Variants in IL1RAPL1 observed in about 807,000 individuals in gnomAD.
The protein encoded by IL1RAPL1 is interleukin-1 receptor accessory protein-like 1.
IL1RAPL1 carries 3 observed loss-of-function variants against 48.4 expected under a neutral mutation model. The observed-to-expected ratio is 0.06, with a 90% CI of 0.03 to 0.16. The LOEUF (loss-of-function observed/expected upper bound fraction) is 0.16. Ranked by LOEUF, IL1RAPL1 falls within the 10% of genes least tolerant of loss-of-function variation. The pLI, the probability that IL1RAPL1 is intolerant of heterozygous loss-of-function variation, is 1.00. For missense variants in IL1RAPL1, 349 were observed against 530.6 expected, an observed-to-expected ratio of 0.66 and a Z score of 3.36; for synonymous variants, 185 against 187.7, an observed-to-expected ratio of 0.99 and a Z score of 0.12.
At chrX:29,363,561 A>G (rs1349033951) in intron 3 of IL1RAPL1, among the ~76,000 whole-genome samples, 3 of 111,776 alleles carry the variant, frequency 2.7e-5, no homozygotes, top group Non-Finnish European at 3.8e-5. Flanking sequence ...TCACATCGCT[A>G]TAAGGAAATG....
intron 6 of IL1RAPL1, among the ~76,000 whole-genome samples, chrX:29,709,513 TTTTTGTTTTG>T (rs199507340): frequency 9.0e-6 from 1 of 111,138 alleles, no homozygotes; most frequent in Non-Finnish European, 1.9e-5. Flanking sequence ...TGTGTCTCTT[TTTTTGTTTTG>T]TTTTGTTTTG....
intron 6 of IL1RAPL1, among the ~76,000 whole-genome samples, chrX:29,908,248 A>AGAT (rs890467910): frequency 6.6e-4 from 73 of 109,964 alleles, no homozygotes; most frequent in African/African-American, 2.2e-3. Context: ...CATATTAGGC[A>AGAT]GATAGTGTTT....
At chrX:29,063,164 T>C (rs760097960) in intron 2 of IL1RAPL1, among the ~76,000 whole-genome samples, 3 of 111,767 alleles carry the variant, frequency 2.7e-5, no homozygotes, top group Non-Finnish European at 5.6e-5. Context: ...TTTCTCCAAA[T>C]AAAACTACCA....
chrX:28,627,866 T>C, intron 1 of IL1RAPL1, among the ~76,000 whole-genome samples: 1 of 111,688 alleles, frequency 9.0e-6, no homozygotes, highest in Non-Finnish European at 1.9e-5. Flanking sequence ...TTCTTTCTTT[T>C]TTTTTTTGAC....
At chrX:28,698,035 A>G (rs1196891436) in intron 1 of IL1RAPL1, among the ~76,000 whole-genome samples, 2 of 111,581 alleles carry the variant, frequency 1.8e-5, no homozygotes, top group African/African-American at 6.5e-5. Flanking sequence ...TCTACTACCC[A>G]GCTATTTAAA....
At chrX:29,434,554 T>A (rs1163259691) in intron 5 of IL1RAPL1, among the ~76,000 whole-genome samples, 1 of 110,758 alleles carries the variant, frequency 9.0e-6, no homozygotes, top group African/African-American at 3.3e-5. Flanking sequence ...TTCTCCAAAG[T>A]TATTTATGAG....
chrX:28,689,037 G>A (rs1935145266), intron 1 of IL1RAPL1, among the ~76,000 whole-genome samples: 2 of 111,108 alleles, frequency 1.8e-5, no homozygotes, highest in Admixed American at 9.6e-5. Context: ...GAAAATAAGG[G>A]CCTTTAATCA....
intron 1 of IL1RAPL1, among the ~76,000 whole-genome samples, chrX:28,755,151 G>A (rs760479154): frequency 2.7e-5 from 3 of 111,139 alleles, no homozygotes; most frequent in Middle Eastern, 4.7e-3. Flanking sequence ...CTGCCACCAC[G>A]CCCAGCTAAC....
intron 2 of IL1RAPL1, among the ~76,000 whole-genome samples, chrX:29,118,351 A>G (rs1928716055): frequency 8.9e-6 from 1 of 111,869 alleles, no homozygotes. Context: ...TTCCTATTTT[A>G]CAGAATGGGG....
At chrX:29,615,992 G>A (rs771622478) in intron 5 of IL1RAPL1, among the ~76,000 whole-genome samples, 27 of 111,062 alleles carry the variant, frequency 2.4e-4, no homozygotes, top group African/African-American at 8.2e-4. Flanking sequence ...GAAGGGATGG[G>A]CATTAAAGGG....
At chrX:29,848,829 G>A (rs1260913574) in intron 6 of IL1RAPL1, among the ~76,000 whole-genome samples, 4 of 110,601 alleles carry the variant, frequency 3.6e-5, no homozygotes, top group Admixed American at 9.6e-5. Context: ...GCAGTGGTGC[G>A]ATCTCGGCTC....
intron 6 of IL1RAPL1, among the ~76,000 whole-genome samples, chrX:29,875,000 G>C (rs7059250): frequency 0.018 from 2,052 of 111,297 alleles, 40 homozygotes; most frequent in African/African-American, 0.064. Flanking sequence ...TTGTAAATTG[G>C]AGCGGTGGAT....
At chrX:29,603,702 A>G (rs962572458) in intron 5 of IL1RAPL1, among the ~76,000 whole-genome samples, 1 of 112,250 alleles carries the variant, frequency 8.9e-6, no homozygotes, top group Non-Finnish European at 1.9e-5. Flanking sequence ...ATGGGAGATG[A>G]CACTGATCCT....
chrX:29,350,928 T>C (rs1464441795), intron 3 of IL1RAPL1, among the ~76,000 whole-genome samples: 1 of 111,500 alleles, frequency 9.0e-6, no homozygotes, highest in Non-Finnish European at 1.9e-5. Context: ...TATGAGGTTG[T>C]TGCACCTAAA....
intron 2 of IL1RAPL1, among the ~76,000 whole-genome samples, chrX:28,904,488 T>C (rs748319255): frequency 2.1e-4 from 24 of 112,260 alleles, no homozygotes; most frequent in Non-Finnish European, 3.8e-5. Flanking sequence ...TCTGGCACAA[T>C]AAATCATTAT....
intron 5 of IL1RAPL1, among the ~76,000 whole-genome samples, chrX:29,452,887 G>A (rs1934695402): frequency 1.9e-5 from 2 of 107,401 alleles, no homozygotes; most frequent in Admixed American, 1.0e-4. Flanking sequence ...GTAAAACCAC[G>A]GAGAGTGTTC....
intron 1 of IL1RAPL1, among the ~76,000 whole-genome samples, chrX:28,701,913 A>G (rs896539165): frequency 1.8e-5 from 2 of 111,911 alleles, no homozygotes; most frequent in African/African-American, 6.5e-5. Flanking sequence ...AACATGTATT[A>G]TACATCAAAT....
At chrX:29,641,415 G>C (rs1260753883) in intron 5 of IL1RAPL1, among the ~76,000 whole-genome samples, 1 of 112,023 alleles carries the variant, frequency 8.9e-6, no homozygotes, top group Non-Finnish European at 1.9e-5. Context: ...TCATCTCTAT[G>C]ACTGGAATGC....
chrX:28,860,580 C>G (rs981956523), intron 2 of IL1RAPL1, among the ~76,000 whole-genome samples: 1 of 108,571 alleles, frequency 9.2e-6, no homozygotes, highest in African/African-American at 3.4e-5. Flanking sequence ...GCCTCAGACT[C>G]CCGAGTAGCT....
Sources: gnomAD v4.1 joint callset for allele counts (sites outside exome capture counted in the v4.1 genomes callset) on GRCh38, gnomAD v4.1.1 for gene constraint, MANE v1.5 for transcripts, NCBI Gene and HGNC (gene_info 2026-07-23, HGNC 2026-07-21) for gene names.